Variants in FAM135B observed in about 807,000 individuals in gnomAD.
The protein encoded by FAM135B is protein FAM135B.
Under a neutral mutation model 127.7 loss-of-function variants are expected in FAM135B, and 43 were observed. That is an observed-to-expected ratio of 0.34 (90% CI 0.26 to 0.43). FAM135B has a LOEUF of 0.43. FAM135B is among the 20% of genes least tolerant of loss of function. FAM135B has a pLI of 1.00. For missense variants in FAM135B, 1,558 were observed against 1,725.6 expected (o/e 0.90, Z 1.72); for synonymous variants, 670 against 665.1 (o/e 1.01, Z -0.11).
At chr8:138,239,407 GT>G (rs1820552469) in intron 7 of FAM135B, among the ~76,000 whole-genome samples, 1 of 152,136 alleles carries the variant, frequency 6.6e-6, no homozygotes, top group African/African-American at 2.4e-5. Context: ...TGATGGGGTT[GT>G]TTTTTTCTTG....
At chr8:138,227,942 A>C (rs1224498090) in intron 7 of FAM135B, among the ~76,000 whole-genome samples, 1 of 152,158 alleles carries the variant, frequency 6.6e-6, no homozygotes, top group African/African-American at 2.4e-5. Flanking sequence ...TCTCTGCAGT[A>C]CATCTTTAAT....
At chr8:138,248,071 C>A (rs1220179633) in intron 6 of FAM135B, among the ~76,000 whole-genome samples, 1 of 152,098 alleles carries the variant, frequency 6.6e-6, no homozygotes, top group South Asian at 2.1e-4. Context: ...ATGGGAGGTG[C>A]TAAATAAAAA....
chr8:138,298,327 G>A (rs933933082), intron 3 of FAM135B, among the ~76,000 whole-genome samples: 13 of 152,106 alleles, frequency 8.5e-5, no homozygotes, highest in East Asian at 3.9e-4. Flanking sequence ...AAGGACTTGC[G>A]TATCAACAAG....
At position 138,299,122 on chromosome 8, in the gene FAM135B, AAAAT is replaced by A. The variant is rs199892524; in HGVS notation, c.157+11715_157+11718del. Among the ~76,000 whole-genome samples the A allele has an allele frequency of 4.1e-3, 623 of 150,700 alleles. 5 individuals carry two copies. The highest frequency in any genetic ancestry group is 0.014 in the African/African-American group (571 of 41,272). ...AAATAAATAAATAAAATAAAAATAA[AAAAT>A]AAAAAAACACTCTAACTTTTGGTGA... On this transcript the variant is annotated intron_variant, in intron 3 of 19. Coordinates refer to ENST00000395297, the MANE Select transcript of FAM135B (RefSeq NM_015912.4).
intron 11 of FAM135B, 39 bp from the exon 12 acceptor site, chr8:138,168,088 T>A (rs1239270487): frequency 2.4e-5 from 37 of 1,569,060 alleles, no homozygotes; most frequent in Non-Finnish European, 3.0e-5. Context: ...CAGGGAAGAG[T>A]CAGAGGTTTC....
At position 138,134,782 on chromosome 8, in the gene FAM135B, C is replaced by T. The variant is rs114297297; in HGVS notation, c.4016-1984G>A. 1.6e-3 allele frequency among the ~76,000 whole-genome samples: 246 copies of T among 152,066 alleles called. 1 individual carries two copies. The highest frequency in any genetic ancestry group is 5.4e-3 in the African/African-American group (223 of 41,490). ...AATTAAGCCACACTTCTTTGATGTC[C>T]GTGTAAAAATGTAACAGAAAATATA... On this transcript the variant is annotated intron_variant, in intron 19 of 19. Transcript: ENST00000395297.
intron 5 of FAM135B, among the ~76,000 whole-genome samples, chr8:138,251,721 A>G (rs539240700): frequency 2.6e-5 from 4 of 152,110 alleles, no homozygotes; most frequent in African/African-American, 9.7e-5. Flanking sequence ...TTGGTGATTA[A>G]AAGAACATTG....
chr8:138,395,219 C>T (rs904239129), intron 1 of FAM135B, among the ~76,000 whole-genome samples: 1 of 152,116 alleles, frequency 6.6e-6, no homozygotes, highest in Admixed American at 6.5e-5. Context: ...ATAAATTTGC[C>T]TGCACAACCC....
intron 3 of FAM135B, among the ~76,000 whole-genome samples, chr8:138,271,962 A>C (rs1288993258): frequency 1.3e-5 from 2 of 151,614 alleles, no homozygotes; most frequent in Admixed American, 6.6e-5. Flanking sequence ...TACATCCTCA[A>C]TGTCAAATAT....
In FAM135B at chr8:138,398,440, C is replaced by T. The variant is rs374173892; in HGVS notation, c.-19-30438G>A. The stretch of plus-strand genomic sequence containing the variant: ...AAACCTTATTACCTTCCTTTCCCAC[C>T]CCTGCAGGCCTCGGGGAACCAGGCA... On this transcript the variant is annotated intron_variant, in intron 1 of 19. Coordinates refer to ENST00000395297, the MANE Select transcript of FAM135B (RefSeq NM_015912.4). Among the ~76,000 whole-genome samples, 9 of 152,156 alleles carry T rather than the reference C, an allele frequency of 5.9e-5. No homozygotes were observed. The East Asian group carries it at 7.7e-4, about 13-fold the overall frequency.
intron 4 of FAM135B, among the ~76,000 whole-genome samples, chr8:138,260,131 G>C (rs1305258760): frequency 6.6e-6 from 1 of 152,164 alleles, no homozygotes; most frequent in Admixed American, 6.5e-5. Context: ...TCAGGGGTCA[G>C]CAGAAGTTTA....
chr8:138,492,060 C>A (rs1228351576), intron 1 of FAM135B, among the ~76,000 whole-genome samples: 1 of 152,162 alleles, frequency 6.6e-6, no homozygotes, highest in African/African-American at 2.4e-5. Context: ...GGGCTTTGAG[C>A]AAAGAGTTTA....
chr8:138,265,644 G>C (rs2130626536), intron 4 of FAM135B, 59 bp downstream of exon 4: 2 of 1,585,114 alleles, frequency 1.3e-6, no homozygotes, highest in Non-Finnish European at 1.7e-6. Flanking sequence ...CTAGCAATGA[G>C]AGAGAACAGC....
chr8:138,230,294 C>T (rs1442719609), intron 7 of FAM135B, among the ~76,000 whole-genome samples: 2 of 152,196 alleles, frequency 1.3e-5, no homozygotes, highest in Admixed American at 6.5e-5. Context: ...CAGCTCCATA[C>T]TGAAACTGCA....
intron 2 of FAM135B, among the ~76,000 whole-genome samples, chr8:138,346,335 T>C (rs1322155657): frequency 6.6e-6 from 1 of 152,206 alleles, no homozygotes; most frequent in Non-Finnish European, 1.5e-5. Flanking sequence ...CATTCTATTA[T>C]AAAGGTACAT....
rs189284232 is a variant in FAM135B, at chr8:138,177,996, G to A, written c.1029+539C>T. On this transcript the variant is annotated intron_variant, in intron 10 of 19. Coordinates refer to ENST00000395297, the MANE Select transcript of FAM135B (RefSeq NM_015912.4). Reference sequence around the variant, plus strand: ...GCAGTGGCTCATGCCTGTAATCCCAGCACTCTGGGAGGCTGAGGCGGGCAG... The same window carrying A: ...GCAGTGGCTCATGCCTGTAATCCCAACACTCTGGGAGGCTGAGGCGGGCAG... Among the ~76,000 whole-genome samples the A allele has an allele frequency of 2.6e-5, 4 of 152,282 alleles. No homozygotes were observed. In the East Asian group the frequency reaches 7.7e-4, roughly 29 times the overall value.
At chr8:138,287,444 C>CT (rs1362263138) in intron 3 of FAM135B, among the ~76,000 whole-genome samples, 1,629 of 128,406 alleles carry the variant, frequency 0.013, 29 homozygotes, top group Middle Eastern at 0.046. Flanking sequence ...TTTTGGAAGT[C>CT]TTTTTTTTTT....
At chr8:138,256,884 G>A in intron 4 of FAM135B, 125 bp from the exon 5 acceptor site, 1 of 726,470 alleles carries the variant, frequency 1.4e-6, no homozygotes, top group Non-Finnish European at 2.4e-6. Flanking sequence ...CATTTATGCT[G>A]AAAGCAGAAT....
chr8:138,283,993 C>T (rs1014879610), intron 3 of FAM135B, among the ~76,000 whole-genome samples: 12 of 151,924 alleles, frequency 7.9e-5, no homozygotes, highest in Non-Finnish European at 1.6e-4. Flanking sequence ...CAAAACTGAG[C>T]ATGCATATGT....
Sources: gnomAD v4.1 joint callset for allele counts (sites outside exome capture counted in the v4.1 genomes callset) on GRCh38, gnomAD v4.1.1 for gene constraint, MANE v1.5 for transcripts, NCBI Gene and HGNC (gene_info 2026-07-23, HGNC 2026-07-21) for gene names.